UNC79: variants seen among roughly 807,000 people sequenced by gnomAD.
UNC79 encodes the protein unc-79 subunit of NALCN channel complex.
UNC79 carries 37 observed loss-of-function variants against 283.1 expected under a neutral mutation model. That is an observed-to-expected ratio of 0.13 (90% CI 0.10 to 0.17). UNC79 has a LOEUF of 0.17. Among genes scored for constraint, UNC79 ranks in the 10% least tolerant of loss-of-function variants. The pLI, the probability that UNC79 is intolerant of heterozygous loss-of-function variation, is 1.00. For synonymous variants in UNC79, 1,107 were observed against 1,200.2 expected, an observed-to-expected ratio of 0.92 and a Z score of 1.61; for missense variants, 2,272 against 3,211.1, an observed-to-expected ratio of 0.71 and a Z score of 7.07.
chr14:93,405,368 A>C (rs2055206219), intron 1 of UNC79, among the ~76,000 whole-genome samples: 1 of 152,180 alleles, frequency 6.6e-6, no homozygotes. Flanking sequence ...TGATATTGTG[A>C]ATGTTATATC....
At chr14:93,529,827 C>G (rs1427458809) in intron 10 of UNC79, among the ~76,000 whole-genome samples, 1 of 152,154 alleles carries the variant, frequency 6.6e-6, no homozygotes, top group African/African-American at 2.4e-5. Context: ...TAACCCATCT[C>G]AATGGAAAGA....
intron 47 of UNC79, among the ~76,000 whole-genome samples, chr14:93,702,934 G>A (rs563287192): frequency 7.2e-5 from 11 of 152,254 alleles, no homozygotes; most frequent in Admixed American, 1.3e-4. Context: ...CTGCTGCCAC[G>A]GTGATCTGTC....
intron 24 of UNC79, among the ~76,000 whole-genome samples, chr14:93,600,028 G>A (rs1338174267): frequency 1.3e-5 from 2 of 152,000 alleles, no homozygotes; most frequent in Non-Finnish European, 2.9e-5. Flanking sequence ...GTGAAACCTC[G>A]TCTCTACTAA....
chr14:93,474,796 A>G lies in UNC79; in HGVS notation c.448+403A>G, dbSNP rs539764875. Among the ~76,000 whole-genome samples, 5 of 152,326 alleles carry G rather than the reference A, an allele frequency of 3.3e-5. No individual in the cohort carries two copies. The highest frequency in any genetic ancestry group is 1.2e-4 in the African/African-American group (5 of 41,574). On this transcript the variant is annotated intron_variant, in intron 3 of 48. Coordinates refer to ENST00000555664, the Ensembl canonical transcript of UNC79. This position sits in a 1 kb window ranked among gnomAD's most constrained non-coding sequence, Gnocchi z 4.1. ...CTATAATCCACTGACTGATTCGGTAATTTTTGAGGGAGCAAATTCTCTAGG... is the reference window on the plus strand; with the variant it reads ...CTATAATCCACTGACTGATTCGGTAGTTTTTGAGGGAGCAAATTCTCTAGG...
chr14:93,420,981 A>C (rs12895502), intron 1 of UNC79, among the ~76,000 whole-genome samples: 1 of 151,770 alleles, frequency 6.6e-6, no homozygotes, highest in African/African-American at 2.4e-5. Context: ...GTTCCCAGCT[A>C]TAAGTGCCTA....
intron 22 of UNC79, among the ~76,000 whole-genome samples, chr14:93,592,678 G>C (rs2064780476): frequency 6.6e-6 from 1 of 151,240 alleles, no homozygotes; most frequent in East Asian, 1.9e-4. Flanking sequence ...GAGTCAAATA[G>C]AAAACAAAAC....
intron 5 of UNC79, among the ~76,000 whole-genome samples, chr14:93,496,181 A>G (rs1039432221): frequency 3.3e-5 from 5 of 152,124 alleles, no homozygotes; most frequent in Non-Finnish European, 1.5e-5. Flanking sequence ...AAATATTTCC[A>G]TTGTTAACAT....
intron 22 of UNC79, among the ~76,000 whole-genome samples, chr14:93,589,844 C>G (rs906422298): frequency 6.6e-6 from 1 of 152,110 alleles, no homozygotes; most frequent in Non-Finnish European, 1.5e-5. Flanking sequence ...GGGAGGATCA[C>G]TTAAGGCCAG....
intron 1 of UNC79, among the ~76,000 whole-genome samples, chr14:93,364,521 G>A (rs2054290234): frequency 7.4e-6 from 1 of 135,102 alleles, no homozygotes; most frequent in African/African-American, 2.7e-5. Flanking sequence ...AGTAGTCACA[G>A]TAGAAGGGTG....
At chr14:93,385,360 A>G (rs2054748936) in intron 1 of UNC79, among the ~76,000 whole-genome samples, 2 of 151,864 alleles carry the variant, frequency 1.3e-5, no homozygotes, top group African/African-American at 4.8e-5. Flanking sequence ...ACTGTTTTAT[A>G]GTTTTCATTG....
chr14:93,704,367 G>A (rs1187480143), intron 47 of UNC79, among the ~76,000 whole-genome samples: 2 of 152,094 alleles, frequency 1.3e-5, no homozygotes, highest in Non-Finnish European at 2.9e-5. Flanking sequence ...GGTAGCTTTC[G>A]AGAGACAATC....
Position 93,597,212 on chromosome 14 carries a change from G to T in UNC79, c.3191-147G>T, listed in dbSNP as rs1458853192. ...CGAGATGGTGGTATTAGACTTTCCTGTTGGGATTTAAAGTAAACCATGCGG... is the reference window on the plus strand; with the variant it reads ...CGAGATGGTGGTATTAGACTTTCCTTTTGGGATTTAAAGTAAACCATGCGG... On this transcript the variant is annotated intron_variant, in intron 23 of 48. Transcript: ENST00000555664. 3.8e-5 allele frequency: 29 copies of T among 758,152 alleles called. No individual in the cohort carries two copies. In the Admixed American group the frequency reaches 8.0e-4, roughly 21 times the overall value. 47.0% of individuals were successfully genotyped at this position (758,152 alleles called of 1,614,324 possible). A position where few individuals can be genotyped will look rare whatever the true frequency, so the allele number is the denominator to read the frequency against.
chr14:93,453,001 T>C (rs1350365883), intron 1 of UNC79, among the ~76,000 whole-genome samples: 2 of 152,254 alleles, frequency 1.3e-5, no homozygotes, highest in African/African-American at 4.8e-5. Flanking sequence ...TAGTATGTTC[T>C]GAATCAAAGT....
At chr14:93,498,266 C>CAAT (rs553061035) in intron 7 of UNC79, among the ~76,000 whole-genome samples, 332 of 150,530 alleles carry the variant, frequency 2.2e-3, no homozygotes, top group African/African-American at 3.6e-3. Context: ...GACTCTGTCT[C>CAAT]AATAATAATA....
At chr14:93,489,827 T>C (rs1276174971) in intron 5 of UNC79, among the ~76,000 whole-genome samples, 1 of 151,804 alleles carries the variant, frequency 6.6e-6, no homozygotes, top group Non-Finnish European at 1.5e-5. Context: ...TGGTGGGGGC[T>C]CTCTACAGTG....
intron 1 of UNC79, among the ~76,000 whole-genome samples, chr14:93,386,043 T>A (rs199652035): frequency 1.3e-5 from 2 of 152,196 alleles, no homozygotes; most frequent in East Asian, 3.9e-4. Flanking sequence ...GCATCCTTCT[T>A]GTTTTCAGAT....
chr14:93,495,799 G>A (rs1480629046), intron 5 of UNC79, among the ~76,000 whole-genome samples: 1 of 152,210 alleles, frequency 6.6e-6, no homozygotes, highest in Non-Finnish European at 1.5e-5. Context: ...CATCTAACTA[G>A]GTTGAAAGAA....
intron 11 of UNC79, among the ~76,000 whole-genome samples, chr14:93,536,807 A>G (rs910517727): frequency 2.3e-5 from 1 of 42,722 alleles, no homozygotes; most frequent in African/African-American, 8.1e-5. Flanking sequence ...TTTTTTGTCT[A>G]TCTAAAAGAG....
chr14:93,528,673 G>A, intron 9 of UNC79, 27 bp downstream of exon 9: 1 of 1,596,790 alleles, frequency 6.3e-7, no homozygotes, highest in Non-Finnish European at 8.6e-7. Flanking sequence ...TTAAAGAAAA[G>A]GAAATAGGAC....
Sources: allele counts gnomAD v4.1 joint callset (sites outside exome capture counted in the v4.1 genomes callset), GRCh38; gene constraint gnomAD v4.1.1; non-coding constraint Gnocchi (gnomAD v3.1); transcripts MANE v1.5; gene names NCBI Gene and HGNC (gene_info 2026-07-23, HGNC 2026-07-21).